Variants in FLAD1 observed in about 807,000 individuals in gnomAD.
FLAD1 encodes bifunctional FAD diphosphatase/FAD synthase.
A neutral mutation model predicts 55.0 loss-of-function variants in FLAD1; 35 were observed. The observed-to-expected ratio is 0.64, with a 90% CI of 0.49 to 0.84. The LOEUF (loss-of-function observed/expected upper bound fraction) is 0.84, where lower values mean the gene tolerates loss of function less well. Among genes scored for constraint, FLAD1 ranks in the 40% least tolerant of loss-of-function variants. FLAD1 has a pLI of 0.00. For synonymous variants in FLAD1, 267 were observed against 303.0 expected (o/e 0.88, Z 1.23); for missense variants, 665 against 742.6 (o/e 0.90, Z 1.21).
At chr1:154,992,451 A>ATAG (rs1657920784) in intron 5 of FLAD1, 67 of 941,976 alleles carry the variant, frequency 7.1e-5, no homozygotes, top group African/African-American at 3.9e-4. Flanking sequence ...TCAAAAAAAA[A>ATAG]ATAGACGGTT....
chr1:154,990,306 C>G (rs1657804638), intron 4 of FLAD1, 33 bp from the exon 5 acceptor site: 2 of 1,613,448 alleles, frequency 1.2e-6, no homozygotes, highest in Non-Finnish European at 1.7e-6. Flanking sequence ...TGACAGAGCC[C>G]ACGCCCGACC....
intron 1 of FLAD1, among the ~76,000 whole-genome samples, chr1:154,986,366 G>A (rs1054091727): frequency 1.2e-4 from 18 of 152,106 alleles, no homozygotes; most frequent in Admixed American, 2.6e-4. Flanking sequence ...ACAGGCGCCC[G>A]CCACCACGAC....
chr1:154,990,111 A>G (rs1411052237), intron 3 of FLAD1, 48 bp from the exon 4 acceptor site: 18 of 1,477,094 alleles, frequency 1.2e-5, no homozygotes, highest in Non-Finnish European at 1.6e-5. Context: ...CAGGGGAGCC[A>G]TTTCCTTGTC....
Position 154,983,826 on chromosome 1 carries a change from T to C in FLAD1, c.132T>C (p.Leu44=). The C allele has an allele frequency of 2.5e-6, 4 of 1,614,180 alleles. No homozygotes were observed. Among genetic ancestry groups the C allele is most frequent in the Non-Finnish European group, 3.4e-6 (4 of 1,180,034 alleles). The change falls in exon 1 of 7, where the codon CTT becomes CTC. Residue 44 remains leucine, a synonymous_variant. Transcript: ENST00000292180. ...GCACGCCTGCTCTCCCCCATTGTCT[T>C]TTCTGGCTTCTCCAGGTTCCCTCGA... ...STRTPALPHC[L]FWLLQVPSTQ... is the part of the protein sequence containing the mutation.
Position 154,985,031 on chromosome 1 carries a change from A to ATT in FLAD1, c.372+997_372+998dup, listed in dbSNP as rs749772991. ...AGGTGTTAGCCGCCACACCTGGCTA[A>ATT]TTTTTTTTTTTTTTTTTTTTTTTTT... On this transcript the variant is annotated intron_variant, in intron 1 of 6. Coordinates refer to ENST00000292180, the MANE Select transcript of FLAD1 (RefSeq NM_025207.5). Among the ~76,000 whole-genome samples the ATT allele has an allele frequency of 5.3e-3, 174 of 32,580 alleles. 9 individuals carry two copies. Among genetic ancestry groups the ATT allele is most frequent in the African/African-American group, 7.4e-3 (60 of 8,074 alleles). 21.4% of individuals were successfully genotyped at this position (32,580 alleles called of 152,430 possible). A position where few individuals can be genotyped will look rare whatever the true frequency, so the allele number is the denominator to read the frequency against.
chr1:154,986,608 G>A (rs745629296), intron 1 of FLAD1, among the ~76,000 whole-genome samples: 26 of 150,882 alleles, frequency 1.7e-4, no homozygotes, highest in South Asian at 4.2e-4. Context: ...CGGGGTTCTC[G>A]CTATGTTAAA....
intron 4 of FLAD1, 37 bp downstream of exon 4, chr1:154,990,294 C>G: frequency 6.2e-7 from 1 of 1,613,262 alleles, no homozygotes; most frequent in Middle Eastern, 1.6e-4. Context: ...CCAAGAGAAG[C>G]TTGACAGAGC....
At chr1:154,986,847 C>T (rs1191347827) in intron 1 of FLAD1, among the ~76,000 whole-genome samples, 1 of 151,686 alleles carries the variant, frequency 6.6e-6, no homozygotes, top group African/African-American at 2.4e-5. Context: ...ATCCTCCCAC[C>T]TCAGCCTCCA....
intron 1 of FLAD1, among the ~76,000 whole-genome samples, chr1:154,985,716 ATTTTTTTT>A (rs34387427): frequency 2.6e-5 from 2 of 75,490 alleles, no homozygotes; most frequent in African/African-American, 5.4e-5. Context: ...CCTGACCCCA[ATTTTTTTT>A]TTTTTTTTTT....
At chr1:154,990,625 AC>A in intron 5 of FLAD1, 97 bp downstream of exon 5, 1 of 1,235,574 alleles carries the variant, frequency 8.1e-7, no homozygotes. Flanking sequence ...AGAGCCTGGA[AC>A]CTGGATGAAG....
At chr1:154,990,797 A>G (rs1464922044) in intron 5 of FLAD1, 1 of 315,936 alleles carries the variant, frequency 3.2e-6, no homozygotes, top group Non-Finnish European at 5.7e-6. Context: ...ATTTATTTAT[A>G]CTTAAATTTT....
chr1:154,991,426 G>C (rs1242586339), intron 5 of FLAD1, among the ~76,000 whole-genome samples: 1 of 149,510 alleles, frequency 6.7e-6, no homozygotes, highest in Non-Finnish European at 1.5e-5. Flanking sequence ...GTGGTGGCAG[G>C]CACCTGTAAT....
chr1:154,993,106 A>G lies in FLAD1; in HGVS notation c.*69A>G. The G allele has an allele frequency of 2.1e-6, 3 of 1,451,148 alleles. No homozygotes were observed. Among genetic ancestry groups the G allele is most frequent in the Non-Finnish European group, 9.6e-7 (1 of 1,037,366 alleles). 89.9% of individuals were successfully genotyped at this position (1,451,148 alleles called of 1,614,324 possible). A position where few individuals can be genotyped will look rare whatever the true frequency, so the allele number is the denominator to read the frequency against. ...AACCTGGCAATAAACCGTGCCTCTC[A>G]CTGTGCCTGTTGCTCTAGCTGTGTC... On this transcript the variant is annotated 3_prime_UTR_variant, in exon 7 of 7. Coordinates refer to ENST00000292180, the MANE Select transcript of FLAD1 (RefSeq NM_025207.5).
chr1:154,984,660 A>G (rs1178295463), intron 1 of FLAD1, among the ~76,000 whole-genome samples: 1 of 149,036 alleles, frequency 6.7e-6, no homozygotes, highest in African/African-American at 2.5e-5. Context: ...GTGAGCTGAG[A>G]TCGTGCCATT....
intron 1 of FLAD1, among the ~76,000 whole-genome samples, chr1:154,984,641 G>C (rs1407748062): frequency 3.3e-5 from 5 of 150,806 alleles, no homozygotes; most frequent in African/African-American, 1.2e-4. Context: ...GTGGGAGGCG[G>C]AGGTTGCAGT....
Position 154,990,461 on chromosome 1 carries a change from G to C in FLAD1, c.1487G>C (p.Cys496Ser), listed in dbSNP as rs375981503. 1.4e-5 allele frequency: 22 copies of C among 1,614,114 alleles called. No homozygotes were observed. The African/African-American group carries it at 2.7e-4, about 20-fold the overall frequency. ...ACCCGCCGGACTGACCCCTACTCCT[G>C]TAGCCTCTGCCCTTTCAGCCCCACT... The part of the protein sequence containing the change: ...MGTRRTDPYS[C>S]SLCPFSPTDP... Residue 496 changes from cysteine to serine, a missense_variant, in exon 5 of 7, where the codon TGT becomes TCT. Coordinates refer to ENST00000292180, the MANE Select transcript of FLAD1 (RefSeq NM_025207.5).
chr1:154,990,352 A>G lies in FLAD1; in HGVS notation c.1378A>G (p.Met460Val). The G allele has an allele frequency of 6.2e-7, 1 of 1,613,836 alleles. No individual in the cohort carries two copies. Among genetic ancestry groups the G allele is most frequent in the Non-Finnish European group, 8.5e-7 (1 of 1,179,818 alleles). The change falls in exon 5 of 7, where the codon ATG (methionine) becomes GTG (valine). Residue 460 changes from methionine (M) to valine (V), a missense_variant. Transcript: ENST00000292180. ...QDTIKRYNLQ[M>V]LEAEGSMKQA... is the part of the protein sequence containing the mutation. ...TTTCTTCCTAAGGTATAATCTGCAG[A>G]TGTTGGAAGCTGAGGGCAGCATGAA...
chr1:154,992,647 A>G (rs1558077896), intron 5 of FLAD1, 66 bp from the exon 6 acceptor site: 1 of 1,614,168 alleles, frequency 6.2e-7, no homozygotes, highest in East Asian at 2.2e-5. Flanking sequence ...GCCCCTTCCC[A>G]GGACAGCAGG....
At chr1:154,987,914 A>G in intron 1 of FLAD1, 191 bp from the exon 2 acceptor site, 1 of 1,449,068 alleles carries the variant, frequency 6.9e-7, no homozygotes, top group Non-Finnish European at 9.1e-7. Context: ...CCTGGGTGAC[A>G]GAGACCCAGC....
Sources: allele counts gnomAD v4.1 joint callset (sites outside exome capture counted in the v4.1 genomes callset), GRCh38; gene constraint gnomAD v4.1.1; transcripts MANE v1.5; gene names NCBI Gene and HGNC (gene_info 2026-07-23, HGNC 2026-07-21).